Variants in IGF1R observed in about 807,000 individuals in gnomAD.
IGF1R encodes insulin like growth factor 1 receptor, also known as insulin-like growth factor 1 receptor.
Under a neutral mutation model 144.6 loss-of-function variants are expected in IGF1R, and 44 were observed. That is an observed-to-expected ratio of 0.30 (90% CI 0.24 to 0.39). The LOEUF (loss-of-function observed/expected upper bound fraction) is 0.39, where lower values mean the gene tolerates loss of function less well. Among genes scored for constraint, IGF1R ranks in the 10% least tolerant of loss-of-function variants. The pLI, the probability that IGF1R is intolerant of heterozygous loss-of-function variation, is 1.00. For missense variants in IGF1R, 1,355 were observed against 1,833.7 expected, an observed-to-expected ratio of 0.74 and a Z score of 4.77; for synonymous variants, 795 against 722.8, an observed-to-expected ratio of 1.10 and a Z score of -1.60.
intron 2 of IGF1R, among the ~76,000 whole-genome samples, chr15:98,881,976 T>C (rs2013406909): frequency 1.3e-5 from 2 of 152,212 alleles, no homozygotes; most frequent in Non-Finnish European, 2.9e-5. Context: ...ATATGAATAG[T>C]TTTTGTGAAC....
chr15:98,883,058 G>C (rs907940761), intron 2 of IGF1R, among the ~76,000 whole-genome samples: 2 of 152,218 alleles, frequency 1.3e-5, no homozygotes, highest in African/African-American at 4.8e-5. Flanking sequence ...TGACCATAAA[G>C]TGTTTCTTCT....
intron 2 of IGF1R, among the ~76,000 whole-genome samples, chr15:98,713,066 C>G (rs2054032284): frequency 6.6e-6 from 1 of 151,992 alleles, no homozygotes; most frequent in Non-Finnish European, 1.5e-5. Flanking sequence ...TCCCGCCTGC[C>G]TGCTGTGTCC....
intron 2 of IGF1R, among the ~76,000 whole-genome samples, chr15:98,732,321 A>G (rs1383622785): frequency 6.6e-6 from 1 of 152,182 alleles, no homozygotes; most frequent in East Asian, 1.9e-4. Flanking sequence ...GGCTGAGTAT[A>G]AGGATAAGTC....
At chr15:98,757,840 G>C (rs980289366) in intron 2 of IGF1R, among the ~76,000 whole-genome samples, 1 of 152,024 alleles carries the variant, frequency 6.6e-6, no homozygotes, top group African/African-American at 2.4e-5. Flanking sequence ...CTTATTCAAT[G>C]GTTGCCATTT....
At chr15:98,835,080 T>TGCACACACACACACAC (rs2057070324) in intron 2 of IGF1R, among the ~76,000 whole-genome samples, 1 of 130,440 alleles carries the variant, frequency 7.7e-6, no homozygotes, top group Admixed American at 7.4e-5. Context: ...ACACCCCCCC[T>TGCACACACACACACAC]ACACACACAC....
At chr15:98,847,140 C>T (rs2011359883) in intron 2 of IGF1R, among the ~76,000 whole-genome samples, 1 of 152,094 alleles carries the variant, frequency 6.6e-6, no homozygotes, top group South Asian at 2.1e-4. Context: ...CCATGCCTGG[C>T]TATTATTTGC....
At chr15:98,917,131 A>G (rs942315631) in intron 10 of IGF1R, among the ~76,000 whole-genome samples, 2 of 151,932 alleles carry the variant, frequency 1.3e-5, no homozygotes, top group African/African-American at 4.8e-5. Flanking sequence ...CTCAGCCACA[A>G]CCCCCCACAG....
At chr15:98,652,025 T>C (rs13379565) in intron 1 of IGF1R, among the ~76,000 whole-genome samples, 10 of 152,166 alleles carry the variant, frequency 6.6e-5, no homozygotes, top group Non-Finnish European at 1.5e-4. Context: ...GGTGGAGAAA[T>C]AAAGACAGGG....
Position 98,935,239 on chromosome 15 carries a change from G to T in IGF1R, c.3187-77G>T, listed in dbSNP as rs2016096839. 9.3e-7 allele frequency: 1 copy of T among 1,071,574 alleles called. No homozygotes were observed. Among genetic ancestry groups the T allele is most frequent in the Non-Finnish European group, 1.4e-6 (1 of 711,218 alleles). 66.4% of individuals were successfully genotyped at this position (1,071,574 alleles called of 1,614,324 possible). A position where few individuals can be genotyped will look rare whatever the true frequency, so the allele number is the denominator to read the frequency against. ...GCTCAGACCAGGCCGCAGCACCACA[G>T]AGACAGTTCCAGACAACACAGGCAT... On this transcript the variant is annotated intron_variant, in intron 16 of 20. Coordinates refer to ENST00000650285, the MANE Select transcript of IGF1R (RefSeq NM_000875.5). The surrounding 1 kb of genome is among the most constrained non-coding windows in gnomAD (Gnocchi z 4.2).
At position 98,780,575 on chromosome 15, in the gene IGF1R, AGAG is replaced by A. The variant is rs1312840268; in HGVS notation, c.640+72469_640+72471del. ...AAAAAAAAAAAAAAAAAAAAAAAAA[AGAG>A]AGAGAGAGTAAATAAAATTGTAAGG... is the stretch of plus-strand genomic sequence containing the variant. On this transcript the variant is annotated intron_variant, in intron 2 of 20. Transcript: ENST00000650285. 2.6e-3 allele frequency among the ~76,000 whole-genome samples: 26 copies of A among 9,892 alleles called. 3 individuals carry two copies. Among genetic ancestry groups the A allele is most frequent in the Middle Eastern group, 0.1 (1 of 10 alleles). 6.5% of individuals were successfully genotyped at this position (9,892 alleles called of 152,430 possible). A position where few individuals can be genotyped will look rare whatever the true frequency, so the allele number is the denominator to read the frequency against.
intron 2 of IGF1R, among the ~76,000 whole-genome samples, chr15:98,817,057 C>T (rs2056709481): frequency 6.6e-6 from 1 of 152,212 alleles, no homozygotes; most frequent in Non-Finnish European, 1.5e-5. Flanking sequence ...AATCCCAGCA[C>T]TTTGGGAGGC....
At position 98,964,425 on chromosome 15, in the gene IGF1R, GTC is replaced by G. The variant is rs1482680992; in HGVS notation, c.*6985_*6986del. The G allele has an allele frequency of 4.8e-5, 11 of 228,506 alleles. No homozygotes were observed. The highest frequency in any genetic ancestry group is 8.7e-5 in the Non-Finnish European group (10 of 115,036). The allele number at this position is 228,506 out of a possible 1,614,324, so 14.2% of individuals were successfully genotyped here. A position where few individuals can be genotyped will look rare whatever the true frequency, so the allele number is the denominator to read the frequency against. On this transcript the variant is annotated 3_prime_UTR_variant, in exon 21 of 21. Transcript: ENST00000650285. The stretch of plus-strand genomic sequence containing the variant: ...CTTTACATAATGGAAAAAAGAAACT[GTC>G]TATTTTGAATGGCTGAAGCTAAGGC...
chr15:98,650,738 C>T (rs2052340867), intron 1 of IGF1R: 3 of 253,592 alleles, frequency 1.2e-5, no homozygotes, highest in Admixed American at 1.3e-4. Context: ...AGCGCGGAGC[C>T]CTGGCCTTGG....
At chr15:98,711,493 G>A (rs1449226160) in intron 2 of IGF1R, among the ~76,000 whole-genome samples, 1 of 152,112 alleles carries the variant, frequency 6.6e-6, no homozygotes, top group Non-Finnish European at 1.5e-5. Flanking sequence ...TGGGTTCTCT[G>A]CACACTTCTG....
At position 98,831,340 on chromosome 15, in the gene IGF1R, A is replaced by G. The variant is rs566857338; in HGVS notation, c.641-59985A>G. Among the ~76,000 whole-genome samples the G allele has an allele frequency of 8.5e-5, 13 of 152,342 alleles. No homozygotes were observed. In the South Asian group the frequency reaches 2.3e-3, roughly 27 times the overall value. ...GAATCCATCTCACCACCCACCTGCC[A>G]GTGGCATACTCCTTGCATAGACCCT... On this transcript the variant is annotated intron_variant, in intron 2 of 20. Transcript: ENST00000650285.
At chr15:98,755,039 CA>C (rs886442834) in intron 2 of IGF1R, among the ~76,000 whole-genome samples, 1 of 152,066 alleles carries the variant, frequency 6.6e-6, no homozygotes, top group East Asian at 1.9e-4. Context: ...TTAATAAAAA[CA>C]AAAAGTGATG....
intron 19 of IGF1R, among the ~76,000 whole-genome samples, chr15:98,945,582 A>G (rs927242352): frequency 6.6e-6 from 1 of 152,056 alleles, no homozygotes; most frequent in Non-Finnish European, 1.5e-5. Flanking sequence ...ATAGTAAAAT[A>G]CCGGCTTTGA....
chr15:98,787,896 T>C (rs531260306), intron 2 of IGF1R, among the ~76,000 whole-genome samples: 2 of 152,180 alleles, frequency 1.3e-5, no homozygotes, highest in South Asian at 4.2e-4. Context: ...GTGAGAACAT[T>C]GAATTTGGAG....
In IGF1R at chr15:98,957,108, C is replaced by G; in HGVS notation, c.3770C>G (p.Pro1257Arg). 6.2e-7 allele frequency: 1 copy of G among 1,614,240 alleles called. No homozygotes were observed. The highest frequency in any genetic ancestry group is 8.5e-7 in the Non-Finnish European group (1 of 1,180,030). The change falls in exon 21 of 21, where the codon CCT becomes CGT. Residue 1257 changes from proline to arginine, a missense_variant. Pro to Arg is a moderately radical substitution (Grantham distance 103). Transcript: ENST00000650285. ...TGGCAGTATAACCCCAAGATGAGGCCTTCCTTCCTGGAGATCATCAGCAGC... is the reference window on the plus strand; with the variant it reads ...TGGCAGTATAACCCCAAGATGAGGCGTTCCTTCCTGGAGATCATCAGCAGC... ...MCWQYNPKMR[P>R]SFLEIISSIK...
Sources: gnomAD v4.1 joint callset for allele counts (sites outside exome capture counted in the v4.1 genomes callset) on GRCh38, gnomAD v4.1.1 for gene constraint, Gnocchi (gnomAD v3.1) non-coding constraint, MANE v1.5 for transcripts, NCBI Gene and HGNC (gene_info 2026-07-23, HGNC 2026-07-21) for gene names.